The following PDSS2 variants were observed in gnomAD, a reference collection of about 807,000 sequenced individuals.
PDSS2 encodes the protein all trans-polyprenyl-diphosphate synthase PDSS2.
A neutral mutation model predicts 44.5 loss-of-function variants in PDSS2; 31 were observed. The observed-to-expected ratio is 0.70, with a 90% CI of 0.52 to 0.94. PDSS2 has a LOEUF of 0.94. PDSS2 is among the 40% of genes least tolerant of loss of function. PDSS2 has a pLI of 0.00. For synonymous variants in PDSS2, 157 were observed against 180.3 expected (o/e 0.87, Z 1.03); for missense variants, 452 against 482.2 (o/e 0.94, Z 0.59).
At position 107,311,041 on chromosome 6, in the gene PDSS2, C is replaced by T. The variant is rs9486585; in HGVS notation, c.431+23157G>A. Among the ~76,000 whole-genome samples the T allele has an allele frequency of 9.2e-3, 1,391 of 151,946 alleles. 15 individuals are homozygous for T. Among genetic ancestry groups the T allele is most frequent in the African/African-American group, 0.03 (1,226 of 41,388 alleles). On this transcript the variant is annotated intron_variant, in intron 2 of 7. Coordinates refer to ENST00000369037, the MANE Select transcript of PDSS2 (RefSeq NM_020381.4). ...CAAGTGATTCTCCTGCCTCAGCCTC[C>T]TGAGTAGCTGAGACAACAGGTGCAC...
Position 107,153,058 on chromosome 6 carries a change from T to G in PDSS2, c.*1561A>C, listed in dbSNP as rs2115068628. Reference sequence around the variant, plus strand: ...ACATTAACCTCTGTAGCTTTACATTTTCTCTTCATTGCATGCCACATGTTG... The same window carrying G: ...ACATTAACCTCTGTAGCTTTACATTGTCTCTTCATTGCATGCCACATGTTG... On this transcript the variant is annotated 3_prime_UTR_variant, in exon 8 of 8. Coordinates refer to ENST00000369037, the MANE Select transcript of PDSS2 (RefSeq NM_020381.4). The G allele has an allele frequency of 6.5e-6, 1 of 152,726 alleles. No individual in the cohort carries two copies. The highest frequency in any genetic ancestry group is 1.5e-5 in the Non-Finnish European group (1 of 68,024). 9.5% of individuals were successfully genotyped at this position (152,726 alleles called of 1,614,324 possible). A position where few individuals can be genotyped will look rare whatever the true frequency, so the allele number is the denominator to read the frequency against.
intron 7 of PDSS2, among the ~76,000 whole-genome samples, chr6:107,158,877 C>T (rs1771010739): frequency 6.6e-6 from 1 of 151,854 alleles, no homozygotes; most frequent in South Asian, 2.1e-4. Flanking sequence ...TACAGGTGCC[C>T]ACCGCCACAC....
intron 4 of PDSS2, among the ~76,000 whole-genome samples, chr6:107,228,112 A>G (rs1773896939): frequency 6.6e-6 from 1 of 152,146 alleles, no homozygotes; most frequent in Non-Finnish European, 1.5e-5. Context: ...TTTTGCTGTG[A>G]TAGTTGTAAG....
chr6:107,294,898 T>G (rs1383876021), intron 2 of PDSS2, among the ~76,000 whole-genome samples: 1 of 152,172 alleles, frequency 6.6e-6, no homozygotes, highest in Non-Finnish European at 1.5e-5. Flanking sequence ...TGGGTAGCAT[T>G]TACAGTCTGT....
At chr6:107,424,036 C>CATTTTTTTTTTTTTTTTTTTTTTTTTTT in intron 1 of PDSS2, among the ~76,000 whole-genome samples, 1 of 90,586 alleles carries the variant, frequency 1.1e-5, no homozygotes, top group Admixed American at 1.3e-4. Flanking sequence ...TATCTTGCAT[C>CATTTTTTTTTTTTTTTTTTTTTTTTTTT]TTTTTTTTTT....
At chr6:107,420,058 A>C (rs746839290) in intron 1 of PDSS2, among the ~76,000 whole-genome samples, 16 of 152,366 alleles carry the variant, frequency 1.1e-4, no homozygotes, top group Non-Finnish European at 2.1e-4. Context: ...ATGGTCCTTA[A>C]GAACTTACCT....
At chr6:107,298,646 T>C (rs1323063625) in intron 2 of PDSS2, among the ~76,000 whole-genome samples, 1 of 152,194 alleles carries the variant, frequency 6.6e-6, no homozygotes, top group African/African-American at 2.4e-5. Context: ...TATGTATGCA[T>C]ATATGTGTGT....
At chr6:107,318,839 T>C (rs1325930253) in intron 2 of PDSS2, among the ~76,000 whole-genome samples, 6 of 152,012 alleles carry the variant, frequency 3.9e-5, no homozygotes, top group Non-Finnish European at 7.4e-5. Flanking sequence ...ACACAAAAAA[T>C]TAGCTGGGCC....
intron 1 of PDSS2, among the ~76,000 whole-genome samples, chr6:107,403,142 G>A (rs1780200622): frequency 6.6e-6 from 1 of 152,208 alleles, no homozygotes; most frequent in African/African-American, 2.4e-5. Context: ...TACAGGCATT[G>A]GGTAAATACT....
intron 7 of PDSS2, among the ~76,000 whole-genome samples, chr6:107,191,530 T>G (rs1361139321): frequency 6.6e-6 from 1 of 152,132 alleles, no homozygotes; most frequent in Non-Finnish European, 1.5e-5. Context: ...GAAAAAAGGC[T>G]CAGAGGTCCA....
At chr6:107,165,388 G>T (rs1286523120) in intron 7 of PDSS2, among the ~76,000 whole-genome samples, 1 of 152,150 alleles carries the variant, frequency 6.6e-6, no homozygotes, top group Admixed American at 6.6e-5. Flanking sequence ...CATATGGCTA[G>T]CCAGTTTTCC....
At position 107,381,825 on chromosome 6, in the gene PDSS2, A is replaced by G. The variant is rs185087106; in HGVS notation, c.297-47493T>C. ...GCTAGTATTTGTAATGTGCAAGTCA[A>G]TATGTTAAGATAAAAAGAGCTTATT... is the stretch of plus-strand genomic sequence containing the variant. On this transcript the variant is annotated intron_variant, in intron 1 of 7. Transcript: ENST00000369037. Among the ~76,000 whole-genome samples the G allele has an allele frequency of 4.6e-5, 7 of 152,348 alleles. No homozygotes were observed. In the East Asian group the frequency reaches 1.3e-3, roughly 29 times the overall value.
intron 1 of PDSS2, among the ~76,000 whole-genome samples, chr6:107,402,764 C>A (rs1323979035): frequency 6.6e-6 from 1 of 151,476 alleles, no homozygotes; most frequent in Non-Finnish European, 1.5e-5. Context: ...AGAACTAGAA[C>A]TATAAACTAG....
chr6:107,425,435 A>C, intron 1 of PDSS2, among the ~76,000 whole-genome samples: 1 of 152,228 alleles, frequency 6.6e-6, no homozygotes, highest in South Asian at 2.1e-4. Flanking sequence ...AGGTGGTCTC[A>C]GATGGAGATG....
intron 1 of PDSS2, among the ~76,000 whole-genome samples, chr6:107,395,511 T>C (rs1779912804): frequency 6.6e-6 from 1 of 152,200 alleles, no homozygotes; most frequent in Admixed American, 6.5e-5. Flanking sequence ...TTTAATATAA[T>C]TGATCTTTTC....
intron 3 of PDSS2, among the ~76,000 whole-genome samples, chr6:107,246,854 CAA>C (rs1413244954): frequency 6.6e-6 from 1 of 152,078 alleles, no homozygotes; most frequent in South Asian, 2.1e-4. Context: ...AAGACATATA[CAA>C]AGTCTTTTTT....
chr6:107,259,687 T>A lies in PDSS2; in HGVS notation c.631-14068A>T, dbSNP rs546996087. ...AAGACTCTGTCTCAAAAAAAAAAAA[T>A]AGAAAAAAGAAAAAATGAAAGAGAA... On this transcript the variant is annotated intron_variant, in intron 3 of 7. Coordinates refer to ENST00000369037, the MANE Select transcript of PDSS2 (RefSeq NM_020381.4). Among the ~76,000 whole-genome samples, 40 of 143,628 alleles carry A rather than the reference T, an allele frequency of 2.8e-4. No homozygotes were observed. The East Asian group carries it at 6.8e-3, about 24-fold the overall frequency. 94.2% of individuals were successfully genotyped at this position (143,628 alleles called of 152,430 possible).
At chr6:107,448,350 C>T (rs1781757119) in intron 1 of PDSS2, among the ~76,000 whole-genome samples, 1 of 152,178 alleles carries the variant, frequency 6.6e-6, no homozygotes, top group Non-Finnish European at 1.5e-5. Flanking sequence ...CTCTTGAATG[C>T]TCTGCTGCTT....
At chr6:107,410,719 C>T (rs914568167) in intron 1 of PDSS2, among the ~76,000 whole-genome samples, 2 of 152,096 alleles carry the variant, frequency 1.3e-5, no homozygotes, top group Non-Finnish European at 2.9e-5. Flanking sequence ...AGCTCCTGAC[C>T]TCAGGTGATC....
Sources: allele counts gnomAD v4.1 joint callset (sites outside exome capture counted in the v4.1 genomes callset), GRCh38; gene constraint gnomAD v4.1.1; transcripts MANE v1.5; gene names NCBI Gene and HGNC (gene_info 2026-07-23, HGNC 2026-07-21).